COL24A1: variants seen among roughly 807,000 people sequenced by gnomAD.
The protein encoded by COL24A1 is collagen alpha-1(XXIV) chain.
Under a neutral mutation model 253.9 loss-of-function variants are expected in COL24A1, and 224 were observed. The observed-to-expected ratio is 0.88, with a 90% confidence interval of 0.79 to 0.99. The LOEUF (loss-of-function observed/expected upper bound fraction) is 0.99, where lower values mean the gene tolerates loss of function less well. Among genes scored for constraint, COL24A1 ranks in the 50% least tolerant of loss-of-function variants. The probability of loss-of-function intolerance (pLI) is 0.00; values close to 1 mark genes in which losing one functional copy is unlikely to be tolerated. For synonymous variants in COL24A1, 685 were observed against 673.7 expected (o/e 1.02, Z -0.26); for missense variants, 2,131 against 2,068.5 (o/e 1.03, Z -0.59).
intron 24 of COL24A1, among the ~76,000 whole-genome samples, chr1:85,957,918 C>T (rs534795675): frequency 2.4e-4 from 36 of 152,324 alleles, no homozygotes; most frequent in South Asian, 1.4e-3. Flanking sequence ...CTAGTATCAT[C>T]TCACATACCT....
At chr1:86,109,292 T>C (rs1475601830) in intron 5 of COL24A1, among the ~76,000 whole-genome samples, 1 of 147,040 alleles carries the variant, frequency 6.8e-6, no homozygotes, top group African/African-American at 2.5e-5. Flanking sequence ...GCACTTCCAT[T>C]GAACTCAAAA....
intron 5 of COL24A1, among the ~76,000 whole-genome samples, chr1:86,096,352 C>T (rs1703890569): frequency 6.6e-6 from 1 of 152,098 alleles, no homozygotes; most frequent in South Asian, 2.1e-4. Flanking sequence ...CACTAAATGA[C>T]ATGACCTTGA....
At chr1:85,848,612 C>A (rs1034715835) in intron 38 of COL24A1, among the ~76,000 whole-genome samples, 1 of 152,074 alleles carries the variant, frequency 6.6e-6, no homozygotes, top group Non-Finnish European at 1.5e-5. Context: ...GCCCAGCCAA[C>A]AAACTGACCT....
At chr1:85,969,604 C>CAAAAAAAA (rs61128567) in intron 22 of COL24A1, among the ~76,000 whole-genome samples, 339 of 27,494 alleles carry the variant, frequency 0.012, 50 homozygotes, top group East Asian at 0.066. Flanking sequence ...GACTCTGTCT[C>CAAAAAAAA]AAAAAAAAAA....
intron 52 of COL24A1, 95 bp downstream of exon 52, chr1:85,781,125 T>C (rs1669098381): frequency 1.1e-6 from 1 of 916,174 alleles, no homozygotes; most frequent in African/African-American, 1.7e-5. Context: ...TTCCATTTTC[T>C]TCTCAAATAC....
In COL24A1 at chr1:85,841,222, T is replaced by C. The variant is rs752620036; in HGVS notation, c.3627A>G (p.Pro1209=). 7 of 1,598,620 alleles carry C rather than the reference T, an allele frequency of 4.4e-6. No homozygotes were observed. In the East Asian group the frequency reaches 1.4e-4, roughly 31 times the overall value. The change falls in exon 42 of 60, where the codon CCA becomes CCG. Residue 1209 remains proline (P), a splice_region_variant and synonymous_variant. Coordinates refer to ENST00000370571, the MANE Select transcript of COL24A1 (RefSeq NM_152890.7). ...AGAATTATTTCAGAAAAAGACCTAC[T>C]GGTTCACCTCGAGGCCCAGGTGGTC... ...VLGPPGPRGE[P]GPVGDQGERG...
At chr1:85,741,118 C>CAA (rs570264288) in intron 57 of COL24A1, among the ~76,000 whole-genome samples, 5 of 85,096 alleles carry the variant, frequency 5.9e-5, no homozygotes, top group East Asian at 3.2e-4. Flanking sequence ...AACTCTGCCT[C>CAA]AAAAAAAAAA....
chr1:86,022,204 T>C, intron 18 of COL24A1, 36 bp downstream of exon 18: 1 of 1,582,554 alleles, frequency 6.3e-7, no homozygotes, highest in Non-Finnish European at 8.7e-7. Flanking sequence ...ATGCACTCTG[T>C]CAATTACAAA....
intron 52 of COL24A1, among the ~76,000 whole-genome samples, chr1:85,780,747 C>T (rs1309897753): frequency 6.6e-6 from 1 of 152,148 alleles, no homozygotes; most frequent in Non-Finnish European, 1.5e-5. Context: ...TCACTGTAAC[C>T]TGTACTGTAT....
intron 18 of COL24A1, among the ~76,000 whole-genome samples, chr1:86,018,768 A>G (rs935167086): frequency 1.3e-5 from 2 of 152,224 alleles, no homozygotes; most frequent in African/African-American, 4.8e-5. Context: ...AATGACAAAA[A>G]TCCCTAGCTA....
chr1:85,794,871 CAG>C (rs1670651478), intron 47 of COL24A1, among the ~76,000 whole-genome samples: 1 of 151,980 alleles, frequency 6.6e-6, no homozygotes, highest in South Asian at 2.1e-4. Flanking sequence ...GTCGCATGAC[CAG>C]AGACTTCCTT....
chr1:85,916,576 C>T (rs1165458868), intron 24 of COL24A1, among the ~76,000 whole-genome samples: 1 of 152,126 alleles, frequency 6.6e-6, no homozygotes, highest in Non-Finnish European at 1.5e-5. Flanking sequence ...GTCCCAGCTA[C>T]TCATGAAGCT....
intron 24 of COL24A1, among the ~76,000 whole-genome samples, chr1:85,953,885 A>G (rs1359977675): frequency 6.6e-6 from 1 of 152,172 alleles, no homozygotes; most frequent in Non-Finnish European, 1.5e-5. Flanking sequence ...TATTATTTCT[A>G]TCAATTCTAA....
At chr1:85,799,543 T>A (rs1425548041) in intron 47 of COL24A1, among the ~76,000 whole-genome samples, 1 of 152,168 alleles carries the variant, frequency 6.6e-6, no homozygotes, top group African/African-American at 2.4e-5. Flanking sequence ...TAGAAATCAC[T>A]TTCCCTAATG....
intron 7 of COL24A1, among the ~76,000 whole-genome samples, chr1:86,076,495 C>A (rs1702257093): frequency 6.6e-6 from 1 of 152,176 alleles, no homozygotes; most frequent in African/African-American, 2.4e-5. Flanking sequence ...AATGCTATCC[C>A]CATTCAAGCT....
chr1:86,154,627 C>A (rs1653246674), intron 1 of COL24A1: 1 of 152,708 alleles, frequency 6.5e-6, no homozygotes, highest in Non-Finnish European at 1.5e-5. Flanking sequence ...TATGCAGGGC[C>A]TTTTCTGGGA....
rs1346461067 is a variant in COL24A1 at position 85,971,434 on chromosome 1, T to A, written c.2365-41A>T. On this transcript the variant is annotated intron_variant, in intron 20 of 59. Coordinates refer to ENST00000370571, the MANE Select transcript of COL24A1 (RefSeq NM_152890.7). ...AAATGCACACAATAGAAATTTTAGA[T>A]CAACTGACATTTTGATAAATCAGCA... 2.7e-6 allele frequency: 4 copies of A among 1,462,108 alleles called. No homozygotes were observed. The African/African-American group carries it at 5.6e-5, about 21-fold the overall frequency. The allele number at this position is 1,462,108 out of a possible 1,614,324, so 90.6% of individuals were successfully genotyped here. A position where few individuals can be genotyped will look rare whatever the true frequency, so the allele number is the denominator to read the frequency against.
intron 5 of COL24A1, among the ~76,000 whole-genome samples, chr1:86,102,679 T>TTGTATGG (rs528307332): frequency 2.8e-3 from 430 of 152,332 alleles, no homozygotes; most frequent in Non-Finnish European, 4.5e-3. Context: ...TTCAATGTAA[T>TTGTATGG]TGTATGGTTT....
At chr1:85,886,462 A>T (rs1177359316) in intron 32 of COL24A1, among the ~76,000 whole-genome samples, 1 of 151,594 alleles carries the variant, frequency 6.6e-6, no homozygotes, top group Non-Finnish European at 1.5e-5. Flanking sequence ...TCAGGAGATC[A>T]AGACCATCCT....
Sources: gnomAD v4.1 joint callset for allele counts (sites outside exome capture counted in the v4.1 genomes callset) on GRCh38, gnomAD v4.1.1 for gene constraint, MANE v1.5 for transcripts, NCBI Gene and HGNC (gene_info 2026-07-23, HGNC 2026-07-21) for gene names.